Variants in CCSER1 observed in about 807,000 individuals in gnomAD.
The protein encoded by CCSER1 is coiled-coil serine rich protein 1.
CCSER1 carries 41 observed loss-of-function variants against 82.0 expected under a neutral mutation model. The observed-to-expected ratio is 0.50, with a 90% CI of 0.39 to 0.65. CCSER1 has a LOEUF of 0.65. Ranked by LOEUF, CCSER1 falls within the 30% of genes least tolerant of loss-of-function variation. The pLI, the probability that CCSER1 is intolerant of heterozygous loss-of-function variation, is 0.00. For missense variants in CCSER1, 1,119 were observed against 1,064.2 expected (o/e 1.05, Z -0.72); for synonymous variants, 414 against 383.9 (o/e 1.08, Z -0.92).
intron 10 of CCSER1, among the ~76,000 whole-genome samples, chr4:91,330,563 G>A (rs546229156): frequency 1.1e-4 from 16 of 152,108 alleles, no homozygotes; most frequent in Admixed American, 9.2e-4. Context: ...TTCCCCTTGC[G>A]GAAGCAACAT....
intron 10 of CCSER1, among the ~76,000 whole-genome samples, chr4:91,458,245 A>G (rs1361515058): frequency 6.6e-6 from 1 of 152,118 alleles, no homozygotes; most frequent in African/African-American, 2.4e-5. Flanking sequence ...ACTACTTATT[A>G]AAGAGACTCT....
rs565883985 is a variant in CCSER1 at position 90,321,389 on chromosome 4, G to A, written c.1509+8342G>A. Among the ~76,000 whole-genome samples the A allele has an allele frequency of 2.6e-3, 391 of 152,146 alleles. 2 individuals are homozygous for A. The highest frequency in any genetic ancestry group is 5.4e-3 in the Admixed American group (82 of 15,280). ...TCATTCATGTTGTTGCAATTGACAG[G>A]ATCTCATCTGATTTTTATGGCTGAA... is the stretch of plus-strand genomic sequence containing the variant. On this transcript the variant is annotated intron_variant, in intron 3 of 10. Transcript: ENST00000509176.
chr4:91,079,438 A>T (rs1722430706), intron 9 of CCSER1, among the ~76,000 whole-genome samples: 1 of 152,214 alleles, frequency 6.6e-6, no homozygotes. Flanking sequence ...TAAACATAGA[A>T]AGGAACATCT....
intron 10 of CCSER1, among the ~76,000 whole-genome samples, chr4:91,466,264 C>T (rs1692394250): frequency 6.6e-6 from 1 of 152,146 alleles, no homozygotes. Flanking sequence ...ACATAATTAT[C>T]TCAATAGATG....
chr4:91,537,682 T>C (rs1461858772), intron 10 of CCSER1, among the ~76,000 whole-genome samples: 1 of 152,028 alleles, frequency 6.6e-6, no homozygotes, highest in Admixed American at 6.6e-5. Flanking sequence ...CTTAGTAATA[T>C]GCTATCATAT....
intron 10 of CCSER1, among the ~76,000 whole-genome samples, chr4:91,411,499 T>TATATAC (rs1553934188): frequency 3.3e-5 from 2 of 61,292 alleles, no homozygotes; most frequent in Admixed American, 3.1e-4. Flanking sequence ...TACATATATA[T>TATATAC]ATATATATAT....
chr4:91,584,740 G>T (rs1197885833), intron 10 of CCSER1, among the ~76,000 whole-genome samples: 1 of 150,752 alleles, frequency 6.6e-6, no homozygotes, highest in Admixed American at 6.6e-5. Context: ...TTTTCTTCAG[G>T]TTTTATTTGT....
At chr4:90,543,922 C>T (rs1266061675) in intron 5 of CCSER1, among the ~76,000 whole-genome samples, 8 of 152,094 alleles carry the variant, frequency 5.3e-5, no homozygotes, top group Admixed American at 5.2e-4. Flanking sequence ...TGAGATTTCA[C>T]CCTGCATCTC....
chr4:90,646,533 C>G (rs1014669880), intron 6 of CCSER1, among the ~76,000 whole-genome samples: 9 of 152,054 alleles, frequency 5.9e-5, no homozygotes, highest in African/African-American at 1.4e-4. Context: ...AATTTCTACC[C>G]AACCTTGCAA....
In CCSER1 at chr4:91,324,209, A is replaced by G. The variant is rs753047801; in HGVS notation, c.2217+238215A>G. 6.6e-5 allele frequency among the ~76,000 whole-genome samples: 10 copies of G among 152,122 alleles called. 1 individual carries two copies. Among genetic ancestry groups the G allele is most frequent in the Middle Eastern group, 6.3e-3 (2 of 316 alleles). Reference sequence around the variant, plus strand: ...CATATAAGGTTTTATTTTGCATTTAACTGTTCTATCTCCAAAATTATAGTA... The same window carrying G: ...CATATAAGGTTTTATTTTGCATTTAGCTGTTCTATCTCCAAAATTATAGTA... On this transcript the variant is annotated intron_variant, in intron 10 of 10. Transcript: ENST00000509176.
chr4:90,760,885 C>T (rs1465673421), intron 7 of CCSER1, among the ~76,000 whole-genome samples: 1 of 151,878 alleles, frequency 6.6e-6, no homozygotes, highest in African/African-American at 2.4e-5. Context: ...AACAAATACT[C>T]ATAGTGTGGT....
chr4:90,572,517 TTTC>T (rs1315978065), intron 5 of CCSER1, among the ~76,000 whole-genome samples: 5 of 150,770 alleles, frequency 3.3e-5, no homozygotes, highest in Admixed American at 6.6e-5. Context: ...AGTTTTTTCA[TTTC>T]TTTTCATTTT....
intron 3 of CCSER1, among the ~76,000 whole-genome samples, chr4:90,322,060 A>G (rs952262717): frequency 6.6e-6 from 1 of 151,948 alleles, no homozygotes; most frequent in Non-Finnish European, 1.5e-5. Flanking sequence ...TTTTGCCAAG[A>G]CCAATGTCTT....
Position 91,156,273 on chromosome 4 carries a change from C to T in CCSER1, c.2217+70279C>T, listed in dbSNP as rs546184913. 1.3e-4 allele frequency among the ~76,000 whole-genome samples: 19 copies of T among 151,656 alleles called. 1 individual carries two copies. The South Asian group carries it at 4.0e-3, about 32-fold the overall frequency. ...ACTAACAAATAATAAATGAAATAAT[C>T]CTTGGACTTTACCTAGTGTGGTCAA... On this transcript the variant is annotated intron_variant, in intron 10 of 10. Coordinates refer to ENST00000509176, the MANE Select transcript of CCSER1 (RefSeq NM_001145065.2).
At chr4:91,103,954 T>A (rs1434190279) in intron 10 of CCSER1, among the ~76,000 whole-genome samples, 1 of 152,050 alleles carries the variant, frequency 6.6e-6, no homozygotes, top group Non-Finnish European at 1.5e-5. Flanking sequence ...CAAGGAATAT[T>A]AATATTAATA....
intron 9 of CCSER1, among the ~76,000 whole-genome samples, chr4:90,949,739 C>G (rs889776114): frequency 6.6e-6 from 1 of 151,884 alleles, no homozygotes; most frequent in South Asian, 2.1e-4. Context: ...TAACCTATGG[C>G]ATTTACATCT....
chr4:91,324,126 T>A (rs558256812), intron 10 of CCSER1, among the ~76,000 whole-genome samples: 1 of 152,150 alleles, frequency 6.6e-6, no homozygotes, highest in Non-Finnish European at 1.5e-5. Context: ...ATGGAAACAA[T>A]TTAGGTAGAG....
chr4:90,576,574 A>G lies in CCSER1; in HGVS notation c.1725-51451A>G, dbSNP rs532067812. On this transcript the variant is annotated intron_variant, in intron 5 of 10. Coordinates refer to ENST00000509176, the MANE Select transcript of CCSER1 (RefSeq NM_001145065.2). The stretch of plus-strand genomic sequence containing the variant: ...CAACCACTGATGCTTTTTCTTTTCC[A>G]TAGTTTCGCTTTTTCCAGAATATCA... 3.9e-5 allele frequency among the ~76,000 whole-genome samples: 6 copies of G among 152,046 alleles called. 1 individual carries two copies. The South Asian group carries it at 1.0e-3, about 26-fold the overall frequency.
intron 10 of CCSER1, among the ~76,000 whole-genome samples, chr4:91,332,531 T>G (rs2149277913): frequency 6.6e-6 from 1 of 151,932 alleles, no homozygotes; most frequent in African/African-American, 2.4e-5. Flanking sequence ...TTTTATTTTT[T>G]ATATACAATA....
Sources: gnomAD v4.1 joint callset for allele counts (sites outside exome capture counted in the v4.1 genomes callset) on GRCh38, gnomAD v4.1.1 for gene constraint, MANE v1.5 for transcripts, NCBI Gene and HGNC (gene_info 2026-07-23, HGNC 2026-07-21) for gene names.